BCL2L11: variants seen among roughly 807,000 people sequenced by gnomAD.
The protein encoded by BCL2L11 is BCL2 like 11, also known as bcl-2-like protein 11.
BCL2L11 carries 15 observed loss-of-function variants against 20.6 expected under a neutral mutation model. The ratio of observed to expected loss-of-function variants is 0.73; its 90% confidence interval spans 0.49 to 1.12. The LOEUF (loss-of-function observed/expected upper bound fraction) is 1.12. BCL2L11 is among the 50% of genes most tolerant of loss of function. The probability of loss-of-function intolerance (pLI) is 0.00; values close to 1 mark genes in which losing one functional copy is unlikely to be tolerated. For missense variants in BCL2L11, 292 were observed against 260.9 expected, an observed-to-expected ratio of 1.12 and a Z score of -0.82; for synonymous variants, 108 against 92.8, an observed-to-expected ratio of 1.16 and a Z score of -0.94.
intron 2 of BCL2L11, chr2:111,145,915 G>T: frequency 1.2e-6 from 1 of 860,124 alleles, no homozygotes; most frequent in Non-Finnish European, 1.4e-6. Flanking sequence ...TTGATTAGTG[G>T]CTTTCTTTTT....
In BCL2L11 at chr2:111,124,170, CGTGTGGAT is replaced by C. The variant is rs1474583973; in HGVS notation, c.394+33_394+40del. 8.3e-6 allele frequency: 13 copies of C among 1,565,604 alleles called. No homozygotes were observed. In the East Asian group the frequency reaches 2.9e-4, roughly 35 times the overall value. On this transcript the variant is annotated intron_variant, in intron 2 of 3. Coordinates refer to ENST00000393256, the MANE Select transcript of BCL2L11 (RefSeq NM_138621.5). ...CAATGCCTGGGTAAGAGGCAGTTGA[CGTGTGGAT>C]GGTTGAATCTGCTTGAAGGCTGTGT...
rs992216905 is a variant in BCL2L11, at chr2:111,150,360, A to G, written c.498+213A>G. The G allele has an allele frequency of 3.1e-6, 3 of 957,874 alleles. No individual in the cohort carries two copies. In the African/African-American group the frequency reaches 5.1e-5, roughly 16 times the overall value. The allele number at this position is 957,874 out of a possible 1,614,324, so 59.3% of individuals were successfully genotyped here. ...TAAATAAAATAATACAGTAGGAGGC[A>G]GCAAAGGAATTTTATGAGCACAGAC... On this transcript the variant is annotated intron_variant, in intron 3 of 3. Coordinates refer to ENST00000393256, the MANE Select transcript of BCL2L11 (RefSeq NM_138621.5).
intron 3 of BCL2L11, among the ~76,000 whole-genome samples, chr2:111,152,982 G>C (rs925133762): frequency 1.3e-5 from 2 of 152,318 alleles, no homozygotes; most frequent in African/African-American, 4.8e-5. Context: ...CTTTAGCTTT[G>C]TTAGTAGGCT....
chr2:111,123,835 TG>T lies in BCL2L11; in HGVS notation c.94del (p.Ala32ProfsTer52). 1 of 1,555,880 alleles carries T rather than the reference TG, an allele frequency of 6.4e-7. No individual in the cohort carries two copies. ...PAERPPQLRP[G>X]APTSLQTEPQ... ...CGGAGAGGCCTCCCCAGCTCAGACC[TG>T]GGGCCCCTACCTCCCTACAGACAGA... On this transcript the variant is annotated frameshift_variant, in exon 2 of 4. Coordinates refer to ENST00000393256, the MANE Select transcript of BCL2L11 (RefSeq NM_138621.5). LOFTEE classifies it high-confidence loss of function.
chr2:111,134,373 A>G (rs1188576046), intron 2 of BCL2L11, among the ~76,000 whole-genome samples: 4 of 152,144 alleles, frequency 2.6e-5, no homozygotes, highest in Non-Finnish European at 5.9e-5. Context: ...TGTGAAATAT[A>G]TATTCTAAGT....
At chr2:111,122,800 T>C (rs1350964140) in intron 1 of BCL2L11, 8 of 985,104 alleles carry the variant, frequency 8.1e-6, no homozygotes, top group Non-Finnish European at 8.4e-6. Context: ...AGTCCCGGGC[T>C]TTGTCTCCTG....
At chr2:111,142,213 A>G in intron 2 of BCL2L11, 1 of 984,204 alleles carries the variant, frequency 1.0e-6, no homozygotes, top group Non-Finnish European at 1.6e-6. Context: ...TGTGCTAATG[A>G]AGACTCTACC....
chr2:111,122,482 G>T (rs988807791), intron 1 of BCL2L11, among the ~76,000 whole-genome samples: 2 of 152,178 alleles, frequency 1.3e-5, no homozygotes, highest in East Asian at 1.9e-4. Context: ...CGCCTTTGGC[G>T]GCCTGACCCG....
intron 2 of BCL2L11, among the ~76,000 whole-genome samples, chr2:111,149,063 G>A (rs564918747): frequency 1.6e-4 from 25 of 152,144 alleles, no homozygotes; most frequent in Non-Finnish European, 2.6e-4. Context: ...GTAAGTTAAC[G>A]TAAGTCACAC....
intron 2 of BCL2L11, among the ~76,000 whole-genome samples, chr2:111,137,078 C>T (rs1029590833): frequency 5.9e-5 from 9 of 152,140 alleles, no homozygotes; most frequent in South Asian, 2.1e-4. Flanking sequence ...AACCCAATTC[C>T]GATTTTATAT....
At chr2:111,163,961 A>C (rs1360051800) in intron 3 of BCL2L11, among the ~76,000 whole-genome samples, 172 bp from the exon 4 acceptor site, 1 of 150,730 alleles carries the variant, frequency 6.6e-6, no homozygotes, top group African/African-American at 2.5e-5. Context: ...AAATGAAAAC[A>C]AGTTTTCTTC....
chr2:111,152,187 A>G (rs2077337019), intron 3 of BCL2L11, among the ~76,000 whole-genome samples: 1 of 152,218 alleles, frequency 6.6e-6, no homozygotes, highest in African/African-American at 2.4e-5. Flanking sequence ...GTATGGAGAC[A>G]TCTCTGAACC....
intron 2 of BCL2L11, among the ~76,000 whole-genome samples, chr2:111,140,352 G>A (rs1293262432): frequency 6.6e-6 from 1 of 152,166 alleles, no homozygotes; most frequent in Non-Finnish European, 1.5e-5. Flanking sequence ...ATACCTTGGG[G>A]CCTTTTCCCC....
rs1036161459 is a variant in BCL2L11, at chr2:111,161,308, A to G, written c.499-2825A>G. On this transcript the variant is annotated intron_variant, in intron 3 of 3. Coordinates refer to ENST00000393256, the MANE Select transcript of BCL2L11 (RefSeq NM_138621.5). The stretch of plus-strand genomic sequence containing the variant: ...GGAGTGGAGCATCTTCCCTGATTGT[A>G]TTTATTTTAATAGTTTTTTAAAAAA... The G allele has an allele frequency of 1.3e-5, 17 of 1,331,522 alleles. 1 individual carries two copies. The East Asian group carries it at 2.8e-4, about 22-fold the overall frequency. 82.5% of individuals were successfully genotyped at this position (1,331,522 alleles called of 1,614,324 possible).
Position 111,121,148 on chromosome 2 carries a change from C to A in BCL2L11, c.-54C>A. ...GGCGCCCTTTCTTGGCCCTTGTTCCCCCAAATGTCTGACTCTGACTCTCGG... is the reference window on the plus strand; with the variant it reads ...GGCGCCCTTTCTTGGCCCTTGTTCCACCAAATGTCTGACTCTGACTCTCGG... On this transcript the variant is annotated 5_prime_UTR_variant, in exon 1 of 4. Transcript: ENST00000393256. 1 of 261,862 alleles carries A rather than the reference C, an allele frequency of 3.8e-6. No individual in the cohort carries two copies. The highest frequency in any genetic ancestry group is 7.3e-6 in the Non-Finnish European group (1 of 137,596). The allele number at this position is 261,862 out of a possible 1,614,324, so 16.2% of individuals were successfully genotyped here. A position where few individuals can be genotyped will look rare whatever the true frequency, so the allele number is the denominator to read the frequency against.
intron 2 of BCL2L11, among the ~76,000 whole-genome samples, chr2:111,148,401 G>A (rs2076835851): frequency 1.3e-5 from 2 of 152,136 alleles, no homozygotes; most frequent in Non-Finnish European, 2.9e-5. Context: ...GCTCTTTAAG[G>A]GGCAGTAAGC....
chr2:111,155,262 G>T (rs75763835), intron 3 of BCL2L11, among the ~76,000 whole-genome samples: 2,788 of 152,316 alleles, frequency 0.018, 109 homozygotes, highest in African/African-American at 0.064. Flanking sequence ...TCTGCAGCCT[G>T]CACCTTCTCT....
At chr2:111,156,006 T>C (rs1366209036) in intron 3 of BCL2L11, among the ~76,000 whole-genome samples, 1 of 152,236 alleles carries the variant, frequency 6.6e-6, no homozygotes, top group Non-Finnish European at 1.5e-5. Context: ...GAATTTGAAA[T>C]ACTTATATGC....
chr2:111,139,355 A>C (rs148549450), intron 2 of BCL2L11, among the ~76,000 whole-genome samples: 41 of 152,320 alleles, frequency 2.7e-4, no homozygotes, highest in African/African-American at 9.4e-4. Context: ...AAACTTGACT[A>C]TAATTCAAAA....
Sources: gnomAD v4.1 joint callset for allele counts (sites outside exome capture counted in the v4.1 genomes callset) on GRCh38, gnomAD v4.1.1 for gene constraint, MANE v1.5 for transcripts, NCBI Gene and HGNC (gene_info 2026-07-23, HGNC 2026-07-21) for gene names.